Variants in PAPPA2 observed in about 807,000 individuals in gnomAD.
The protein encoded by PAPPA2 is pappalysin 2, also known as pappalysin-2.
In PAPPA2, 86 loss-of-function variants were observed where a neutral mutation model predicts 176.4. That is an observed-to-expected ratio of 0.49 (90% confidence interval 0.41 to 0.58). PAPPA2 has a LOEUF of 0.58. Ranked by LOEUF, PAPPA2 falls within the 20% of genes least tolerant of loss-of-function variation. PAPPA2 has a pLI of 0.00. For synonymous variants in PAPPA2, 809 were observed against 852.2 expected, an observed-to-expected ratio of 0.95 and a Z score of 0.88; for missense variants, 2,073 against 2,256.9, an observed-to-expected ratio of 0.92 and a Z score of 1.65.
At chr1:176,659,299 G>A (rs1409041049) in intron 3 of PAPPA2, among the ~76,000 whole-genome samples, 1 of 152,024 alleles carries the variant, frequency 6.6e-6, no homozygotes, top group Non-Finnish European at 1.5e-5. Context: ...TGAGGGCTGT[G>A]AGGGAGATTC....
chr1:176,598,775 T>C (rs1025616523), intron 3 of PAPPA2, among the ~76,000 whole-genome samples: 9 of 152,202 alleles, frequency 5.9e-5, no homozygotes, highest in African/African-American at 2.2e-4. Flanking sequence ...GTTAATTCTA[T>C]TCTTTTCTTC....
Position 176,717,088 on chromosome 1 carries a change from T to C in PAPPA2, c.3798+5107T>C, listed in dbSNP as rs149895818. On this transcript the variant is annotated intron_variant, in intron 12 of 22. Transcript: ENST00000367662. ...ATTAGCAGAAAGCACTCAGAGAAGA[T>C]AGACCTCCACCCTTCTGCAGCCCCC... 3.1e-3 allele frequency among the ~76,000 whole-genome samples: 466 copies of C among 152,290 alleles called. 1 individual carries two copies. Among genetic ancestry groups the C allele is most frequent in the Non-Finnish European group, 5.6e-3 (381 of 68,020 alleles).
At chr1:176,680,459 C>T (rs1031055358) in intron 4 of PAPPA2, among the ~76,000 whole-genome samples, 1 of 152,156 alleles carries the variant, frequency 6.6e-6, no homozygotes, top group African/African-American at 2.4e-5. Flanking sequence ...TTTGTGATCA[C>T]GTTTTGTTAA....
chr1:176,632,572 T>A (rs1292814056), intron 3 of PAPPA2, among the ~76,000 whole-genome samples: 2 of 152,126 alleles, frequency 1.3e-5, no homozygotes, highest in Non-Finnish European at 2.9e-5. Context: ...CTGACAGTGC[T>A]AATAGTAGTC....
chr1:176,681,542 C>T (rs571383139), intron 4 of PAPPA2, among the ~76,000 whole-genome samples: 6 of 152,154 alleles, frequency 3.9e-5, no homozygotes, highest in African/African-American at 1.4e-4. Context: ...CTTTTGTTTC[C>T]TCATATGTAA....
rs1041402967 is a variant in PAPPA2 at position 176,690,139 on chromosome 1, G to A, written c.2140G>A (p.Gly714Ser). ...GCTTTTCAAAACTTTCATTGCAGGT[G>A]GCATTGTCCTCAGCCCAGCATATTA... Reference protein sequence around the residue: ...WDKDAVTHLGGIVLSPAYYGM... With the variant: ...WDKDAVTHLGSIVLSPAYYGM... The change falls in exon 5 of 23, where the codon GGC becomes AGC. Residue 714 changes from glycine (G) to serine (S), a missense_variant and splice_region_variant. By Grantham distance (56) the Gly-to-Ser change is moderately conservative. Coordinates refer to ENST00000367662, the MANE Select transcript of PAPPA2 (RefSeq NM_020318.3). The A allele has an allele frequency of 6.3e-7, 1 of 1,594,030 alleles. No individual in the cohort carries two copies. The highest frequency in any genetic ancestry group is 8.6e-7 in the Non-Finnish European group (1 of 1,164,726).
At chr1:176,526,860 C>G (rs1041731036) in intron 1 of PAPPA2, among the ~76,000 whole-genome samples, 3 of 152,210 alleles carry the variant, frequency 2.0e-5, no homozygotes, top group South Asian at 2.1e-4. Context: ...AAATGCTTGT[C>G]CCGCCAGAGA....
At position 176,809,951 on chromosome 1, in the gene PAPPA2, A is replaced by AGTGTGTGTGTGT. The variant is rs55858181; in HGVS notation, c.5202+9858_5202+9869dup. On this transcript the variant is annotated intron_variant, in intron 21 of 22. Transcript: ENST00000367662. ...TCTCCTTATTTTTAGGACAAGATGC[A>AGTGTGTGTGTGT]GTGTGTGTGTGTGTGTGTGTGTGTG... is the stretch of plus-strand genomic sequence containing the variant. Among the ~76,000 whole-genome samples the AGTGTGTGTGTGT allele has an allele frequency of 3.0e-4, 40 of 133,794 alleles. 1 individual carries two copies. The highest frequency in any genetic ancestry group is 3.7e-3 in the Middle Eastern group (1 of 268). The allele number at this position is 133,794 out of a possible 152,430, so 87.8% of individuals were successfully genotyped here.
intron 3 of PAPPA2, among the ~76,000 whole-genome samples, chr1:176,657,158 A>T (rs1359435384): frequency 6.6e-6 from 1 of 151,908 alleles, no homozygotes; most frequent in Non-Finnish European, 1.5e-5. Flanking sequence ...GGACAAAAGC[A>T]CCAGACCAGG....
At chr1:176,741,195 G>A (rs1662664820) in intron 14 of PAPPA2, among the ~76,000 whole-genome samples, 3 of 152,138 alleles carry the variant, frequency 2.0e-5, no homozygotes, top group Admixed American at 2.0e-4. Flanking sequence ...AGGTATCTCT[G>A]GCTTAAGATC....
intron 3 of PAPPA2, among the ~76,000 whole-genome samples, chr1:176,628,862 C>T (rs1224529996): frequency 6.6e-6 from 1 of 152,168 alleles, no homozygotes; most frequent in South Asian, 2.1e-4. Flanking sequence ...CTTTCTGGTT[C>T]TGCTCTTCAC....
At chr1:176,538,367 A>G (rs556497505) in intron 1 of PAPPA2, among the ~76,000 whole-genome samples, 2 of 152,148 alleles carry the variant, frequency 1.3e-5, no homozygotes, top group Non-Finnish European at 2.9e-5. Context: ...TACTTTCTCC[A>G]TGTATAGAAG....
At chr1:176,829,491 T>G (rs1049560449) in intron 21 of PAPPA2, among the ~76,000 whole-genome samples, 2 of 152,190 alleles carry the variant, frequency 1.3e-5, no homozygotes, top group Admixed American at 1.3e-4. Flanking sequence ...GCTGGGGCTG[T>G]GGTGGAACAT....
In PAPPA2 at chr1:176,771,053, A is replaced by C; in HGVS notation, c.4588A>C (p.Ile1530Leu). The change falls in exon 17 of 23, where the codon ATT becomes CTT. Residue 1530 changes from isoleucine to leucine, a missense_variant. Ile to Leu is a conservative substitution (Grantham distance 5). Around this residue, in one of 4 missense-constraint regions of PAPPA2, gnomAD observed 846 missense variants for 857.9 expected, o/e 0.99. Transcript: ENST00000367662. Reference protein sequence around the residue: ...YCKLECDAPPIILNANLLLPH... With the variant: ...YCKLECDAPPLILNANLLLPH... The stretch of plus-strand genomic sequence containing the variant: ...CAAGTTGGAGTGTGATGCTCCCCCT[A>C]TTATTCTGAATGCCAACTTGCTCCT... 6.2e-7 allele frequency: 1 copy of C among 1,614,034 alleles called. No homozygotes were observed. Among genetic ancestry groups the C allele is most frequent in the Non-Finnish European group, 8.5e-7 (1 of 1,179,988 alleles).
chr1:176,695,639 AC>A (rs976231793), intron 6 of PAPPA2, 98 bp from the exon 7 acceptor site: 1 of 1,385,886 alleles, frequency 7.2e-7, no homozygotes, highest in East Asian at 2.3e-5. Context: ...CTAACCATCA[AC>A]CCCTGCCCTC....
At position 176,757,482 on chromosome 1, in the gene PAPPA2, T is replaced by C. The variant is rs555677423; in HGVS notation, c.4152-8184T>C. Among the ~76,000 whole-genome samples the C allele has an allele frequency of 5.3e-5, 8 of 152,376 alleles. No homozygotes were observed. The South Asian group carries it at 1.7e-3, about 32-fold the overall frequency. On this transcript the variant is annotated intron_variant, in intron 14 of 22. Transcript: ENST00000367662. ...GTGATGATGAGCATTTTTTCATATG[T>C]CTGTTGGCTGCATAAATGTCTTCTT...
intron 3 of PAPPA2, among the ~76,000 whole-genome samples, chr1:176,623,655 CT>C (rs1342073858): frequency 1.5e-5 from 2 of 132,340 alleles, no homozygotes; most frequent in Admixed American, 7.5e-5. Flanking sequence ...TTCTTTCTTT[CT>C]TTCTTTCTTT....
chr1:176,625,211 G>A (rs533809185), intron 3 of PAPPA2, among the ~76,000 whole-genome samples: 2 of 152,298 alleles, frequency 1.3e-5, no homozygotes, highest in East Asian at 3.9e-4. Context: ...CCACCCTGCT[G>A]AAAAAGCTCC....
chr1:176,698,762 A>C (rs1660500359), intron 7 of PAPPA2, among the ~76,000 whole-genome samples: 1 of 152,192 alleles, frequency 6.6e-6, no homozygotes, highest in Admixed American at 6.5e-5. Flanking sequence ...TGGACTAATC[A>C]CATGTAATTC....
Sources: allele counts gnomAD v4.1 joint callset (sites outside exome capture counted in the v4.1 genomes callset), GRCh38; gene constraint gnomAD v4.1.1; regional missense constraint gnomAD v4.1.1; transcripts MANE v1.5; gene names NCBI Gene and HGNC (gene_info 2026-07-23, HGNC 2026-07-21).